LIN7A: variants seen among roughly 807,000 people sequenced by gnomAD.
The protein encoded by LIN7A is lin-7 cell polarity scaffold A, also known as protein lin-7 homolog A.
A neutral mutation model predicts 29.8 loss-of-function variants in LIN7A; 25 were observed. That is an observed-to-expected ratio of 0.84 (90% CI 0.61 to 1.17). The LOEUF (loss-of-function observed/expected upper bound fraction) is 1.17, where lower values mean the gene tolerates loss of function less well. Among genes scored for constraint, LIN7A ranks in the 50% most tolerant of loss-of-function variants. The pLI is 0.00. For missense variants in LIN7A, 239 were observed against 287.0 expected, an observed-to-expected ratio of 0.83 and a Z score of 1.21; for synonymous variants, 118 against 107.5, an observed-to-expected ratio of 1.10 and a Z score of -0.60.
intron 1 of LIN7A, among the ~76,000 whole-genome samples, chr12:80,903,823 T>C (rs1301656666): frequency 5.3e-5 from 8 of 152,114 alleles, no homozygotes; most frequent in Non-Finnish European, 7.4e-5. Flanking sequence ...ATAAATGTTC[T>C]GTTTTCTCTG....
rs181556382 is a variant in LIN7A at position 80,858,732 on chromosome 12, C to T, written c.202-10410G>A. On this transcript the variant is annotated intron_variant, in intron 2 of 5. Coordinates refer to ENST00000552864, the MANE Select transcript of LIN7A (RefSeq NM_004664.4). The stretch of plus-strand genomic sequence containing the variant: ...AACAAGGTTTGGGGCTTCAAATATG[C>T]CTTAATTTTCACTGTTTGGATTACG... Among the ~76,000 whole-genome samples, 347 of 152,102 alleles carry T rather than the reference C, an allele frequency of 2.3e-3. 2 individuals carry two copies. The highest frequency in any genetic ancestry group is 2.0e-3 in the Non-Finnish European group (134 of 67,950).
chr12:80,904,752 A>G (rs1876386900), intron 1 of LIN7A, among the ~76,000 whole-genome samples: 1 of 152,226 alleles, frequency 6.6e-6, no homozygotes, highest in Admixed American at 6.5e-5. Context: ...GAATATTTAT[A>G]TATACATAAT....
chr12:80,839,252 G>T (rs922144596), intron 4 of LIN7A, among the ~76,000 whole-genome samples: 1 of 152,138 alleles, frequency 6.6e-6, no homozygotes, highest in Non-Finnish European at 1.5e-5. Context: ...GATTAATAAG[G>T]CTAGACTGCC....
At chr12:80,891,101 C>T (rs117097185) in intron 1 of LIN7A, among the ~76,000 whole-genome samples, 10 of 152,248 alleles carry the variant, frequency 6.6e-5, no homozygotes, top group Non-Finnish European at 1.0e-4. Context: ...TCGGCAAGTG[C>T]GGTAGATTCT....
rs1592933405 is a variant in LIN7A at position 80,897,159 on chromosome 12, A to T, written c.83-7790T>A. ...TGATTTGCCTACTACTACCCGAGAC[A>T]TCATGAAATCAAGTTTTGCCTTCCT... On this transcript the variant is annotated intron_variant, in intron 1 of 5. Transcript: ENST00000552864. 3.9e-5 allele frequency among the ~76,000 whole-genome samples: 6 copies of T among 152,052 alleles called. No individual in the cohort carries two copies. In the South Asian group the frequency reaches 1.2e-3, roughly 32 times the overall value.
intron 2 of LIN7A, among the ~76,000 whole-genome samples, chr12:80,854,554 A>C (rs551727493): frequency 1.9e-4 from 29 of 152,110 alleles, no homozygotes; most frequent in African/African-American, 7.0e-4. Flanking sequence ...AAAAGACAAA[A>C]CAATACGGAT....
intron 1 of LIN7A, among the ~76,000 whole-genome samples, chr12:80,900,963 T>G (rs1036714587): frequency 1.3e-5 from 2 of 152,148 alleles, no homozygotes; most frequent in African/African-American, 4.8e-5. Flanking sequence ...GAAAATAGAT[T>G]GGAGTTCATT....
chr12:80,850,495 A>G (rs1873278310), intron 2 of LIN7A, among the ~76,000 whole-genome samples: 2 of 152,128 alleles, frequency 1.3e-5, no homozygotes, highest in South Asian at 4.1e-4. Context: ...TTTACATAGA[A>G]TTGATCAAGG....
At chr12:80,849,759 C>T (rs892989838) in intron 2 of LIN7A, among the ~76,000 whole-genome samples, 4 of 152,078 alleles carry the variant, frequency 2.6e-5, no homozygotes, top group East Asian at 1.9e-4. Flanking sequence ...CTGCACATGC[C>T]GTTTACTCTG....
chr12:80,828,114 A>T (rs1872169094), intron 4 of LIN7A, among the ~76,000 whole-genome samples: 1 of 152,244 alleles, frequency 6.6e-6, no homozygotes, highest in Non-Finnish European at 1.5e-5. Flanking sequence ...GGTGAAATTT[A>T]TATCTTCATA....
intron 2 of LIN7A, 48 bp from the exon 3 acceptor site, chr12:80,848,370 A>G: frequency 1.5e-6 from 2 of 1,330,006 alleles, no homozygotes; most frequent in Non-Finnish European, 2.1e-6. Flanking sequence ...ATGAAGAATA[A>G]TAATTCTTTT....
At chr12:80,875,717 A>C (rs1471972216) in intron 2 of LIN7A, among the ~76,000 whole-genome samples, 1 of 152,226 alleles carries the variant, frequency 6.6e-6, no homozygotes, top group Non-Finnish European at 1.5e-5. Flanking sequence ...CCATGGACCC[A>C]ACAAATATTT....
intron 2 of LIN7A, 109 bp downstream of exon 2, chr12:80,889,142 T>G (rs1405128098): frequency 1.4e-6 from 1 of 722,526 alleles, no homozygotes; most frequent in African/African-American, 1.8e-5. Context: ...AACAGAAAAT[T>G]AAAATGTAGT....
At chr12:80,814,643 G>C (rs1160475007) in intron 4 of LIN7A, among the ~76,000 whole-genome samples, 1 of 152,090 alleles carries the variant, frequency 6.6e-6, no homozygotes, top group African/African-American at 2.4e-5. Flanking sequence ...GTGAAGAGTT[G>C]AGAGAAAAAC....
intron 4 of LIN7A, among the ~76,000 whole-genome samples, chr12:80,842,951 G>C (rs1019959778): frequency 6.7e-6 from 1 of 148,216 alleles, no homozygotes; most frequent in African/African-American, 2.5e-5. Context: ...AACCAGTCTA[G>C]GGTAGTTAGC....
rs1555221369 is a variant in LIN7A, at chr12:80,807,079, T to TTTTTTTTTG, written c.*4385_*4386insCAAAAAAAA. 4.8e-4 allele frequency among the ~76,000 whole-genome samples: 63 copies of TTTTTTTTTG among 131,954 alleles called. 2 individuals are homozygous for TTTTTTTTTG. The highest frequency in any genetic ancestry group is 4.4e-3 in the East Asian group (19 of 4,274). 86.6% of individuals were successfully genotyped at this position (131,954 alleles called of 152,430 possible). A position where few individuals can be genotyped will look rare whatever the true frequency, so the allele number is the denominator to read the frequency against. ...GAAGATGGAGTTTTTTTTTTTTTTT[T>TTTTTTTTTG]TTTTTTTTTTTTGACGGAGTCTCGC... On this transcript the variant is annotated intron_variant, in intron 5 of 5. Transcript: ENST00000552864.
intron 1 of LIN7A, among the ~76,000 whole-genome samples, chr12:80,919,612 AC>A (rs1280677853): frequency 2.6e-5 from 4 of 152,036 alleles, no homozygotes; most frequent in Non-Finnish European, 5.9e-5. Context: ...AAAGCCAAAA[AC>A]CCTCTATCCC....
intron 1 of LIN7A, among the ~76,000 whole-genome samples, chr12:80,910,294 A>AG (rs2120796240): frequency 6.6e-6 from 1 of 152,234 alleles, no homozygotes; most frequent in Non-Finnish European, 1.5e-5. Context: ...ATCCCACAGG[A>AG]TTTTCTCCAT....
At chr12:80,821,608 G>A (rs967270757) in intron 4 of LIN7A, among the ~76,000 whole-genome samples, 1 of 152,230 alleles carries the variant, frequency 6.6e-6, no homozygotes, top group Non-Finnish European at 1.5e-5. Flanking sequence ...GCTGCAGCCA[G>A]TCTGGAGTGG....
Sources: allele counts gnomAD v4.1 joint callset (sites outside exome capture counted in the v4.1 genomes callset), GRCh38; gene constraint gnomAD v4.1.1; transcripts MANE v1.5; gene names NCBI Gene and HGNC (gene_info 2026-07-23, HGNC 2026-07-21).